The following FBLN5 variants were observed in gnomAD, a reference collection of about 807,000 sequenced individuals.
FBLN5 encodes the protein fibulin 5, also known as fibulin-5.
A neutral mutation model predicts 61.6 loss-of-function variants in FBLN5; 24 were observed. The ratio of observed to expected loss-of-function variants is 0.39; its 90% CI spans 0.28 to 0.55. The LOEUF is 0.55. Among genes scored for constraint, FBLN5 ranks in the 20% least tolerant of loss-of-function variants. The probability of loss-of-function intolerance (pLI) is 0.65; values close to 1 mark genes in which losing one functional copy is unlikely to be tolerated. For missense variants in FBLN5, 470 were observed against 594.1 expected (o/e 0.79, Z 2.17); for synonymous variants, 213 against 219.8 (o/e 0.97, Z 0.27).
At position 91,934,870 on chromosome 14, in the gene FBLN5, A is replaced by G. The variant is rs370331516; in HGVS notation, c.379+2077T>C. On this transcript the variant is annotated intron_variant, in intron 4 of 10. Coordinates refer to ENST00000342058, the MANE Select transcript of FBLN5 (RefSeq NM_006329.4). ...AGTTCTTGGAAGGAGCGGTAGGTAGAAAGAGCCTCCCTTTCCCATCCCTTC... is the reference window on the plus strand; with the variant it reads ...AGTTCTTGGAAGGAGCGGTAGGTAGGAAGAGCCTCCCTTTCCCATCCCTTC... 2.8e-3 allele frequency among the ~76,000 whole-genome samples: 420 copies of G among 152,246 alleles called. 3 individuals are homozygous for G. Among genetic ancestry groups the G allele is most frequent in the African/African-American group, 9.7e-3 (403 of 41,534 alleles).
Position 91,943,247 on chromosome 14 carries a change from G to A in FBLN5, c.18-286C>T, listed in dbSNP as rs1055808835. The stretch of plus-strand genomic sequence containing the variant: ...GCTAAGGTCAGGTGCGGTGGCTTAC[G>A]CTTGTAATCCCAGCACTTTGAGAGG... On this transcript the variant is annotated intron_variant, in intron 1 of 10. Coordinates refer to ENST00000342058, the MANE Select transcript of FBLN5 (RefSeq NM_006329.4). The surrounding 1 kb of genome is among the most constrained non-coding windows in gnomAD (Gnocchi z 4.0). 2.6e-5 allele frequency among the ~76,000 whole-genome samples: 4 copies of A among 152,058 alleles called. No individual in the cohort carries two copies. Among genetic ancestry groups the A allele is most frequent in the South Asian group, 2.1e-4 (1 of 4,824 alleles).
At position 91,877,647 on chromosome 14, in the gene FBLN5, C is replaced by G. The variant is rs745753250; in HGVS notation, c.1025G>C (p.Arg342Thr). 1.2e-6 allele frequency: 2 copies of G among 1,614,174 alleles called. No homozygotes were observed. Among genetic ancestry groups the G allele is most frequent in the Non-Finnish European group, 1.7e-6 (2 of 1,180,006 alleles). ...GTACAAGATGGTAAAGGGCTGGTCT[C>G]TGCAGCCAGGGTTCTCAGCAGGACA... ...CMCPAENPGC[R>T]DQPFTILYRD... is the part of the protein sequence containing the mutation. Residue 342 changes from arginine (R) to threonine (T), a missense_variant, in exon 10 of 11, where the codon AGA (arginine) becomes ACA (threonine). Physicochemically the swap from Arg to Thr is moderately conservative, Grantham distance 71. Transcript: ENST00000342058.
chr14:91,927,432 G>A (rs2055848040), intron 4 of FBLN5, among the ~76,000 whole-genome samples: 1 of 152,244 alleles, frequency 6.6e-6, no homozygotes, highest in South Asian at 2.1e-4. Flanking sequence ...TTTCTGTACA[G>A]AACCTATGTG....
At chr14:91,928,966 G>A (rs1043880048) in intron 4 of FBLN5, among the ~76,000 whole-genome samples, 2 of 151,896 alleles carry the variant, frequency 1.3e-5, no homozygotes, top group Non-Finnish European at 2.9e-5. Flanking sequence ...GCTGAGGCAG[G>A]AGAATGGCAT....
chr14:91,899,391 C>A (rs1258279664), intron 4 of FBLN5, among the ~76,000 whole-genome samples: 1 of 152,222 alleles, frequency 6.6e-6, no homozygotes, highest in Non-Finnish European at 1.5e-5. Flanking sequence ...ATGACCAGCA[C>A]CCTGGCAACT....
At chr14:91,897,090 A>G (rs961139823) in intron 4 of FBLN5, among the ~76,000 whole-genome samples, 1 of 151,978 alleles carries the variant, frequency 6.6e-6, no homozygotes, top group African/African-American at 2.4e-5. Context: ...TGGGAATCCT[A>G]TGGAAGTGGC....
intron 4 of FBLN5, among the ~76,000 whole-genome samples, chr14:91,906,203 T>C (rs2254090): frequency 0.85 from 129,849 of 152,188 alleles, 55,969 homozygotes; most frequent in Admixed American, 0.92. Flanking sequence ...ACTTTTTGGT[T>C]ACAGACCAAC....
intron 4 of FBLN5, among the ~76,000 whole-genome samples, chr14:91,907,799 T>C (rs1428048439): frequency 1.3e-5 from 2 of 152,148 alleles, no homozygotes; most frequent in Admixed American, 6.5e-5. Context: ...ATGTGGGAAC[T>C]GGTACTGGTT....
Position 91,877,673 on chromosome 14 carries a change from C to T in FBLN5, c.999G>A (p.Met333Ile). Residue 333 changes from methionine to isoleucine, a missense_variant, in exon 10 of 11, where the codon ATG becomes ATA. Coordinates refer to ENST00000342058, the MANE Select transcript of FBLN5 (RefSeq NM_006329.4). ...PYLRISDNRC[M>I]CPAENPGCRD... Reference sequence around the variant, plus strand: ...TGCAGCCAGGGTTCTCAGCAGGACACATACAGCGGCTGTGGAAAGGGAAAT... The same window carrying T: ...TGCAGCCAGGGTTCTCAGCAGGACATATACAGCGGCTGTGGAAAGGGAAAT... 1.2e-6 allele frequency: 2 copies of T among 1,613,964 alleles called. No homozygotes were observed. Among genetic ancestry groups the T allele is most frequent in the East Asian group, 2.2e-5 (1 of 44,884 alleles).
chr14:91,919,432 A>T (rs528418232), intron 4 of FBLN5, among the ~76,000 whole-genome samples: 8 of 150,224 alleles, frequency 5.3e-5, no homozygotes, highest in African/African-American at 1.5e-4. Flanking sequence ...GAAGGAAGGA[A>T]GGATTACCAG....
At chr14:91,892,061 C>T (rs186867502) in intron 5 of FBLN5, among the ~76,000 whole-genome samples, 1 of 152,296 alleles carries the variant, frequency 6.6e-6, no homozygotes, top group East Asian at 1.9e-4. Flanking sequence ...GGGAAAGCGG[C>T]GGCACTGTGG....
rs374899281 is a variant in FBLN5, at chr14:91,908,886, A to G, written c.380-13814T>C. On this transcript the variant is annotated intron_variant, in intron 4 of 10. Transcript: ENST00000342058. The stretch of plus-strand genomic sequence containing the variant: ...AGCTCTTGATTCAGGAGGTCTAGAA[A>G]GAGTCCTGGGAATCAGTACTTTTTT... Among the ~76,000 whole-genome samples, 25 of 152,260 alleles carry G rather than the reference A, an allele frequency of 1.6e-4. No individual in the cohort carries two copies. The East Asian group carries it at 2.3e-3, about 14-fold the overall frequency.
intron 4 of FBLN5, among the ~76,000 whole-genome samples, chr14:91,915,830 A>G (rs1891177001): frequency 6.6e-6 from 1 of 152,168 alleles, no homozygotes; most frequent in African/African-American, 2.4e-5. Context: ...TAAAATTTCC[A>G]TGAATGACCT....
In FBLN5 at chr14:91,922,845, G is replaced by C. The variant is rs1316381360; in HGVS notation, c.379+14102C>G. The stretch of plus-strand genomic sequence containing the variant: ...GCCAGGCCCTATCATCACAGTGAGA[G>C]CCAATTTCATCCATCCACTGATGCC... On this transcript the variant is annotated intron_variant, in intron 4 of 10. Transcript: ENST00000342058. Among the ~76,000 whole-genome samples, 3 of 152,152 alleles carry C rather than the reference G, an allele frequency of 2.0e-5. No homozygotes were observed. The East Asian group carries it at 5.8e-4, about 29-fold the overall frequency.
At chr14:91,878,513 G>A (rs956090740) in intron 9 of FBLN5, among the ~76,000 whole-genome samples, 13 of 152,176 alleles carry the variant, frequency 8.5e-5, no homozygotes, top group Admixed American at 3.3e-4. Context: ...CTGTTGAGAC[G>A]CGCGGTGGTG....
At chr14:91,908,357 T>C (rs992806404) in intron 4 of FBLN5, among the ~76,000 whole-genome samples, 1 of 152,164 alleles carries the variant, frequency 6.6e-6, no homozygotes. Context: ...CTTCACCCCT[T>C]CTTAGCAGCA....
At chr14:91,921,709 C>G (rs753133714) in intron 4 of FBLN5, among the ~76,000 whole-genome samples, 1 of 152,182 alleles carries the variant, frequency 6.6e-6, no homozygotes, top group East Asian at 1.9e-4. Flanking sequence ...CTGAGTAGGA[C>G]TCTCTAAGGG....
chr14:91,884,823 A>G (rs926687270), intron 7 of FBLN5, among the ~76,000 whole-genome samples: 3 of 152,232 alleles, frequency 2.0e-5, no homozygotes, highest in Non-Finnish European at 2.9e-5. Flanking sequence ...AGGGGCTGTA[A>G]CAGACCCTAC....
chr14:91,882,499 G>T lies in FBLN5; in HGVS notation c.862+455C>A, dbSNP rs569001504. 6.6e-6 allele frequency among the ~76,000 whole-genome samples: 1 copy of T among 152,320 alleles called. No homozygotes were observed. Among genetic ancestry groups the T allele is most frequent in the African/African-American group, 2.4e-5 (1 of 41,586 alleles). ...AGCCCTTGCAGGAACAGAGCAGTCA[G>T]GTGCATGAGGTCTCCCTGGCAACCA... On this transcript the variant is annotated intron_variant, in intron 8 of 10. Coordinates refer to ENST00000342058, the MANE Select transcript of FBLN5 (RefSeq NM_006329.4). The surrounding 1 kb of genome is among the most constrained non-coding windows in gnomAD (Gnocchi z 4.9).
Sources: gnomAD v4.1 joint callset for allele counts (sites outside exome capture counted in the v4.1 genomes callset) on GRCh38, gnomAD v4.1.1 for gene constraint, Gnocchi (gnomAD v3.1) non-coding constraint, MANE v1.5 for transcripts, NCBI Gene and HGNC (gene_info 2026-07-23, HGNC 2026-07-21) for gene names.